CNDP2: variants seen among roughly 807,000 people sequenced by gnomAD.
CNDP2 encodes cytosolic non-specific dipeptidase.
In CNDP2, 38 loss-of-function variants were observed where a neutral mutation model predicts 55.0. The ratio of observed to expected loss-of-function variants is 0.69; its 90% confidence interval spans 0.53 to 0.90. CNDP2 has a LOEUF of 0.90. CNDP2 is among the 40% of genes least tolerant of loss of function. The probability of loss-of-function intolerance (pLI) is 0.00; values close to 1 mark genes in which losing one functional copy is unlikely to be tolerated. For synonymous variants in CNDP2, 241 were observed against 260.2 expected, an observed-to-expected ratio of 0.93 and a Z score of 0.71; for missense variants, 607 against 621.7, an observed-to-expected ratio of 0.98 and a Z score of 0.25.
chr18:74,502,835 G>A lies in CNDP2; in HGVS notation c.204+1363G>A, dbSNP rs112067451. 8.0e-3 allele frequency among the ~76,000 whole-genome samples: 1,217 copies of A among 152,232 alleles called. 16 individuals carry two copies. Among genetic ancestry groups the A allele is most frequent in the African/African-American group, 0.028 (1,143 of 41,528 alleles). ...GTTTCATCAGAGGGAGAGAGTGGAG[G>A]CCAGGCAGCTCTGTCCACTGGGAGC... On this transcript the variant is annotated intron_variant, in intron 3 of 11. Coordinates refer to ENST00000324262, the MANE Select transcript of CNDP2 (RefSeq NM_018235.3).
intron 10 of CNDP2, 101 bp downstream of exon 10, chr18:74,518,741 C>A: frequency 6.6e-7 from 1 of 1,510,596 alleles, no homozygotes; most frequent in Non-Finnish European, 9.1e-7. Context: ...GGGGGCGCTG[C>A]TGTATCGTGG....
At chr18:74,509,086 T>C (rs138091152) in intron 5 of CNDP2, 158 bp downstream of exon 5, 96 of 584,020 alleles carry the variant, frequency 1.6e-4, no homozygotes, top group Non-Finnish European at 2.4e-4. Flanking sequence ...GATGTAAGAG[T>C]ATAGGTTTGT....
intron 3 of CNDP2, chr18:74,505,365 G>A (rs1008548046): frequency 1.8e-4 from 28 of 153,848 alleles, no homozygotes; most frequent in African/African-American, 6.5e-4. Flanking sequence ...TTGGAAAGCC[G>A]AGGTGGGTGG....
In CNDP2 at chr18:74,512,669, C is replaced by G. The variant is rs866794453; in HGVS notation, c.742+137C>G. 1.3e-5 allele frequency: 9 copies of G among 678,216 alleles called. No homozygotes were observed. In the Admixed American group the frequency reaches 2.0e-4, roughly 15 times the overall value. The allele number at this position is 678,216 out of a possible 1,614,324, so 42.0% of individuals were successfully genotyped here. A position where few individuals can be genotyped will look rare whatever the true frequency, so the allele number is the denominator to read the frequency against. ...TCTGTCTCAGTTTCCTACTGTGCCT[C>G]TCCCTCCTTCCACTCACTTGTCCCT... On this transcript the variant is annotated intron_variant, in intron 7 of 11. Transcript: ENST00000324262.
intron 10 of CNDP2, 69 bp downstream of exon 10, chr18:74,518,709 C>G: frequency 1.3e-6 from 2 of 1,592,318 alleles, no homozygotes; most frequent in East Asian, 2.2e-5. Flanking sequence ...TCTGCTATAT[C>G]GCGTGGGCGT....
At chr18:74,505,140 A>G (rs1228317549) in intron 3 of CNDP2, 1 of 152,196 alleles carries the variant, frequency 6.6e-6, no homozygotes, top group East Asian at 1.9e-4. Flanking sequence ...GGCATTTTCC[A>G]TGCATAATTG....
intron 3 of CNDP2, among the ~76,000 whole-genome samples, chr18:74,504,134 A>G (rs7233439): frequency 0.083 from 11,391 of 138,042 alleles, 643 homozygotes; most frequent in African/African-American, 0.19. Context: ...ACGCAGCCAC[A>G]CTGCCGCTGG....
rs142040717 is a variant in CNDP2 at position 74,518,239 on chromosome 18, A to G, written c.1069-260A>G. Reference sequence around the variant, plus strand: ...ATCACGCCACTGTGCTCCAGCCTGGACAACAGAGCGAGACTCCATCTCAGA... The same window carrying G: ...ATCACGCCACTGTGCTCCAGCCTGGGCAACAGAGCGAGACTCCATCTCAGA... On this transcript the variant is annotated intron_variant, in intron 9 of 11. Coordinates refer to ENST00000324262, the MANE Select transcript of CNDP2 (RefSeq NM_018235.3). 2.7e-3 allele frequency: 783 copies of G among 287,834 alleles called. 2 individuals carry two copies. The highest frequency in any genetic ancestry group is 9.5e-3 in the African/African-American group (438 of 46,270). 17.8% of individuals were successfully genotyped at this position (287,834 alleles called of 1,614,324 possible). A position where few individuals can be genotyped will look rare whatever the true frequency, so the allele number is the denominator to read the frequency against.
chr18:74,505,067 C>T (rs1978934017), intron 3 of CNDP2: 1 of 152,162 alleles, frequency 6.6e-6, no homozygotes, highest in Non-Finnish European at 1.5e-5. Flanking sequence ...CTATCACTAA[C>T]TTTTTAGAAT....
chr18:74,511,154 C>T (rs1201439323), intron 6 of CNDP2, 141 bp downstream of exon 6: 9 of 672,852 alleles, frequency 1.3e-5, no homozygotes, highest in African/African-American at 9.1e-5. Flanking sequence ...CAATTCCCAG[C>T]TTCCATAAAC....
intron 5 of CNDP2, among the ~76,000 whole-genome samples, chr18:74,510,578 C>T (rs58091842): frequency 0.069 from 10,465 of 152,214 alleles, 769 homozygotes; most frequent in African/African-American, 0.19. Flanking sequence ...AAGCTCCCCT[C>T]GGTCATGTGG....
chr18:74,497,651 G>A (rs918390510), intron 1 of CNDP2: 3 of 152,178 alleles, frequency 2.0e-5, no homozygotes, highest in African/African-American at 7.2e-5. Flanking sequence ...TGGGTGTGGT[G>A]GTGCGCACCT....
At position 74,508,840 on chromosome 18, in the gene CNDP2, G is replaced by A; in HGVS notation, c.368G>A (p.Gly123Asp). Residue 123 changes from glycine (G) to aspartate (D), a missense_variant and splice_region_variant, in exon 5 of 12, where the codon GGC (glycine) becomes GAC (aspartate). By Grantham distance (94) the Gly-to-Asp change is moderately conservative (BLOSUM62 -1). Coordinates refer to ENST00000324262, the MANE Select transcript of CNDP2 (RefSeq NM_018235.3). Reference protein sequence around the residue: ...SEPFTLVERDGKLYGRGSTDD... With the variant: ...SEPFTLVERDDKLYGRGSTDD... ...ATGAATTTGTGGATTGCTGTTCTAG[G>A]CAAGCTGTATGGGAGAGGTTCGACT... is the stretch of plus-strand genomic sequence containing the variant. 1 of 1,613,764 alleles carries A rather than the reference G, an allele frequency of 6.2e-7. No homozygotes were observed.
rs1979306419 is a variant in CNDP2, at chr18:74,510,845, A to C, written c.489A>C (p.Glu163Asp). 6.2e-7 allele frequency: 1 copy of C among 1,614,006 alleles called. No homozygotes were observed. The highest frequency in any genetic ancestry group is 8.5e-7 in the Non-Finnish European group (1 of 1,180,018). ...CTGTCAACGTCCGATTCTGCCTCGA[A>C]GGCATGGAGGAGTCAGGCTCTGAGG... is the stretch of plus-strand genomic sequence containing the variant. ...EIPVNVRFCL[E>D]GMEESGSEGL... The change falls in exon 6 of 12, where the codon GAA becomes GAC. Residue 163 changes from glutamate to aspartate, a missense_variant. By Grantham distance (45) the Glu-to-Asp change is conservative. Transcript: ENST00000324262.
intron 8 of CNDP2, among the ~76,000 whole-genome samples, chr18:74,515,091 T>C (rs554993063): frequency 2.0e-5 from 3 of 152,250 alleles, no homozygotes; most frequent in South Asian, 4.1e-4. Flanking sequence ...TAGGGACAGA[T>C]GGGCAGCAGG....
intron 4 of CNDP2, chr18:74,507,592 C>T (rs3794955): frequency 0.18 from 27,136 of 152,980 alleles, 2,694 homozygotes; most frequent in East Asian, 0.29. Flanking sequence ...CACGGGACCA[C>T]GTGCAGCCCC....
chr18:74,519,743 G>A (rs552535334), intron 11 of CNDP2, among the ~76,000 whole-genome samples: 9 of 152,246 alleles, frequency 5.9e-5, no homozygotes, highest in African/African-American at 1.4e-4. Flanking sequence ...AGGAGCCCAC[G>A]ATCCGAGCTT....
chr18:74,516,279 A>G lies in CNDP2; in HGVS notation c.955A>G (p.Ile319Val), dbSNP rs140933245. The change falls in exon 9 of 12, where the codon ATC becomes GTC. Residue 319 changes from isoleucine to valine, a missense_variant. Coordinates refer to ENST00000324262, the MANE Select transcript of CNDP2 (RefSeq NM_018235.3). ...GTACCCGTCTCTGTCCCTCCATGGC[A>G]TCGAAGGCGCCTTCTCTGGGTCTGG... is the stretch of plus-strand genomic sequence containing the variant. Reference protein sequence around the residue: ...WRYPSLSLHGIEGAFSGSGAK... With the variant: ...WRYPSLSLHGVEGAFSGSGAK... 6.9e-5 allele frequency: 112 copies of G among 1,613,928 alleles called. No individual in the cohort carries two copies. Among genetic ancestry groups the G allele is most frequent in the Non-Finnish European group, 5.7e-5 (67 of 1,179,982 alleles).
chr18:74,520,024 A>T lies in CNDP2; in HGVS notation c.1384A>T (p.Met462Leu), dbSNP rs1031915035. ...GTATAACTACATAGAGGGAACCAAGATGCTGGCCGCGTACCTGTATGAGGT... is the reference window on the plus strand; with the variant it reads ...GTATAACTACATAGAGGGAACCAAGTTGCTGGCCGCGTACCTGTATGAGGT... ...NRYNYIEGTK[M>L]LAAYLYEVSQ... The change falls in exon 12 of 12, where the codon ATG becomes TTG. Residue 462 changes from methionine (M) to leucine (L), a missense_variant. Transcript: ENST00000324262. 5.6e-6 allele frequency: 9 copies of T among 1,614,034 alleles called. No homozygotes were observed. In the African/African-American group the frequency reaches 1.1e-4, roughly 19 times the overall value.
Sources: allele counts gnomAD v4.1 joint callset (sites outside exome capture counted in the v4.1 genomes callset), GRCh38; gene constraint gnomAD v4.1.1; transcripts MANE v1.5; gene names NCBI Gene and HGNC (gene_info 2026-07-23, HGNC 2026-07-21).